Variants in CCDC183 observed in about 807,000 individuals in gnomAD.
The protein encoded by CCDC183 is coiled-coil domain-containing protein 183.
In CCDC183, 63 loss-of-function variants were observed where a neutral mutation model predicts 65.2. The observed-to-expected ratio is 0.97, with a 90% CI of 0.79 to 1.19. The LOEUF (loss-of-function observed/expected upper bound fraction) is 1.19, where lower values mean the gene tolerates loss of function less well. CCDC183 is among the 50% of genes most tolerant of loss of function. The pLI is 0.00. For synonymous variants in CCDC183, 323 were observed against 276.5 expected (o/e 1.17, Z -1.67); for missense variants, 769 against 689.3 (o/e 1.12, Z -1.30).
Position 136,806,606 on chromosome 9 carries a change from G to A in CCDC183, c.1212G>A (p.Leu404=). Residue 404 remains leucine (L), a synonymous_variant, in exon 11 of 14, where the codon CTG becomes CTA. Transcript: ENST00000338005. ...TGACCAAGGGCCAGGAGCTGCTGCT[G>A]ACCATCCAGATGGGCATCGACAACC... ...SNMTKGQELL[L]TIQMGIDNLY... The A allele has an allele frequency of 1.2e-6, 2 of 1,613,762 alleles. No homozygotes were observed. Among genetic ancestry groups the A allele is most frequent in the Non-Finnish European group, 8.5e-7 (1 of 1,180,046 alleles).
chr9:136,802,719 A>G lies in CCDC183; in HGVS notation c.599A>G (p.Tyr200Cys), dbSNP rs750886616. Residue 200 changes from tyrosine to cysteine, a missense_variant, in exon 6 of 14, where the codon TAC (tyrosine) becomes TGC (cysteine). Transcript: ENST00000338005. ...LDKLQNLVVN[Y>C]CSELSDMKIM... ...AAGCTGCAGAACCTCGTGGTCAACTACTGCTCAGAGCTGTCGGATATGAAG... is the reference window on the plus strand; with the variant it reads ...AAGCTGCAGAACCTCGTGGTCAACTGCTGCTCAGAGCTGTCGGATATGAAG... 1.2e-6 allele frequency: 2 copies of G among 1,613,530 alleles called. No homozygotes were observed. Among genetic ancestry groups the G allele is most frequent in the South Asian group, 2.2e-5 (2 of 91,080 alleles).
At position 136,802,764 on chromosome 9, in the gene CCDC183, T is replaced by C. The variant is rs1185646745; in HGVS notation, c.644T>C (p.Met215Thr). 2.5e-6 allele frequency: 4 copies of C among 1,612,694 alleles called. No individual in the cohort carries two copies. Among genetic ancestry groups the C allele is most frequent in the African/African-American group, 1.3e-5 (1 of 74,940 alleles). Reference sequence around the variant, plus strand: ...ATGAAGATCATGTCCCAAGATGCCATGATGATCACGGATGAGGTCAAGGTG... The same window carrying C: ...ATGAAGATCATGTCCCAAGATGCCACGATGATCACGGATGAGGTCAAGGTG... The part of the protein sequence containing the change: ...SDMKIMSQDA[M>T]MITDEVKRNM... Residue 215 changes from methionine to threonine, a missense_variant, in exon 6 of 14, where the codon ATG becomes ACG. Physicochemically the swap from Met to Thr is moderately conservative, Grantham distance 81. Transcript: ENST00000338005.
At chr9:136,796,640 A>G (rs1481078576) in intron 1 of CCDC183, among the ~76,000 whole-genome samples, 173 bp downstream of exon 1, 3 of 152,222 alleles carry the variant, frequency 2.0e-5, no homozygotes, top group East Asian at 1.9e-4. Flanking sequence ...TTGAGATGCT[A>G]TTAACCTGTA....
rs780599653 is a variant in CCDC183, at chr9:136,799,087, T to C, written c.71-15T>C. 3.7e-6 allele frequency: 6 copies of C among 1,612,384 alleles called. No individual in the cohort carries two copies. Among genetic ancestry groups the C allele is most frequent in the Non-Finnish European group, 5.1e-6 (6 of 1,179,506 alleles). ...GCCCAATCCTAGCCACTGTGTCCCCTCCACCTGCCCACAGAGCAGTGTCGG... is the reference window on the plus strand; with the variant it reads ...GCCCAATCCTAGCCACTGTGTCCCCCCCACCTGCCCACAGAGCAGTGTCGG... On this transcript the variant is annotated splice_polypyrimidine_tract_variant and intron_variant, in intron 1 of 13. Coordinates refer to ENST00000338005, the MANE Select transcript of CCDC183 (RefSeq NM_001039374.5).
At chr9:136,800,339 C>G in intron 4 of CCDC183, 50 bp from the exon 5 acceptor site, 1 of 1,532,356 alleles carries the variant, frequency 6.5e-7, no homozygotes, top group Non-Finnish European at 8.9e-7. Context: ...CCGACACCCT[C>G]CGGGCGGCCG....
rs1847857298 is a variant in CCDC183, at chr9:136,806,653, T to C, written c.1259T>C (p.Ile420Thr). The change falls in exon 11 of 14, where the codon ATT (isoleucine) becomes ACT (threonine). Residue 420 changes from isoleucine (I) to threonine (T), a missense_variant. Coordinates refer to ENST00000338005, the MANE Select transcript of CCDC183 (RefSeq NM_001039374.5). ...IDNLYVRLMGINLPATQREVV... is the reference protein window; with the variant it reads ...IDNLYVRLMGTNLPATQREVV... ...AACCTCTATGTCCGGCTGATGGGCA[T>C]TAACTTGCCTGCGACCCAGGTACCG... 6.2e-7 allele frequency: 1 copy of C among 1,613,510 alleles called. No individual in the cohort carries two copies. The highest frequency in any genetic ancestry group is 1.3e-5 in the African/African-American group (1 of 74,932).
chr9:136,797,479 C>G (rs953943172), intron 1 of CCDC183, among the ~76,000 whole-genome samples: 3 of 151,236 alleles, frequency 2.0e-5, no homozygotes, highest in African/African-American at 7.3e-5. Flanking sequence ...TGCTCTGTTG[C>G]CCAGACGGCA....
At chr9:136,799,842 AC>A (rs751769886) in intron 3 of CCDC183, 52 bp downstream of exon 3, 62 of 1,372,428 alleles carry the variant, frequency 4.5e-5, no homozygotes, top group African/African-American at 4.5e-4. Context: ...CCCTGCCAGC[AC>A]CCCCCCACTA....
At chr9:136,798,194 C>T (rs1392652367) in intron 1 of CCDC183, among the ~76,000 whole-genome samples, 2 of 151,762 alleles carry the variant, frequency 1.3e-5, no homozygotes, top group East Asian at 1.9e-4. Flanking sequence ...TTAGTAGAGA[C>T]GGGGTTTACC....
chr9:136,796,545 A>G, intron 1 of CCDC183, 78 bp downstream of exon 1: 2 of 973,738 alleles, frequency 2.1e-6, no homozygotes, highest in Admixed American at 2.1e-5. Flanking sequence ...TGGGGAAAAG[A>G]GAGATCAGAT....
rs1182008992 is a variant in CCDC183, at chr9:136,799,741, G to C, written c.221G>C (p.Cys74Ser). ...KYDQWTISKA[C>S]GKNLPLRLAH... is the part of the protein sequence containing the mutation. ...GACCAGTGGACCATCTCCAAGGCCTGCGGGAAAAACTTGCCTTTGCGACTG... is the reference window on the plus strand; with the variant it reads ...GACCAGTGGACCATCTCCAAGGCCTCCGGGAAAAACTTGCCTTTGCGACTG... The change falls in exon 3 of 14, where the codon TGC becomes TCC. Residue 74 changes from cysteine (C) to serine (S), a missense_variant. By Grantham distance (112) the Cys-to-Ser change is moderately radical. Coordinates refer to ENST00000338005, the MANE Select transcript of CCDC183 (RefSeq NM_001039374.5). 2 of 1,613,286 alleles carry C rather than the reference G, an allele frequency of 1.2e-6. No homozygotes were observed. Among genetic ancestry groups the C allele is most frequent in the African/African-American group, 2.7e-5 (2 of 75,068 alleles).
At chr9:136,802,298 G>T (rs1847748138) in intron 5 of CCDC183, among the ~76,000 whole-genome samples, 1 of 152,162 alleles carries the variant, frequency 6.6e-6, no homozygotes, top group African/African-American at 2.4e-5. Context: ...AGCTGCCTTG[G>T]CCTTGAATCC....
intron 6 of CCDC183, among the ~76,000 whole-genome samples, chr9:136,803,155 C>T (rs9775753): frequency 0.018 from 698 of 38,970 alleles, 47 homozygotes; most frequent in African/African-American, 0.026. Flanking sequence ...GCTGGGGCCC[C>T]CCAGGGCCAG....
At chr9:136,799,621 G>GAT in intron 2 of CCDC183, 92 bp from the exon 3 acceptor site, 1 of 1,066,962 alleles carries the variant, frequency 9.4e-7, no homozygotes, top group Admixed American at 2.0e-5. Flanking sequence ...GCTAGCGTGG[G>GAT]ATACAAGAGG....
Position 136,803,553 on chromosome 9 carries a change from G to A in CCDC183, c.666+767G>A, listed in dbSNP as rs1197210377. Reference sequence around the variant, plus strand: ...GCTCTGGGGATACAGCAGGGACCGGGACAGGCAGACCCTGTCCTCCTGAAG... The same window carrying A: ...GCTCTGGGGATACAGCAGGGACCGGAACAGGCAGACCCTGTCCTCCTGAAG... On this transcript the variant is annotated intron_variant, in intron 6 of 13. Transcript: ENST00000338005. Among the ~76,000 whole-genome samples the A allele has an allele frequency of 2.6e-5, 4 of 152,198 alleles. No individual in the cohort carries two copies. In the East Asian group the frequency reaches 7.7e-4, roughly 29 times the overall value.
In CCDC183 at chr9:136,804,259, G is replaced by A. The variant is rs943540276; in HGVS notation, c.667-243G>A. On this transcript the variant is annotated intron_variant, in intron 6 of 13. Coordinates refer to ENST00000338005, the MANE Select transcript of CCDC183 (RefSeq NM_001039374.5). The surrounding 1 kb of genome is among the most constrained non-coding windows in gnomAD (Gnocchi z 4.1). ...GTGGACCTGGCCAGGAGGCAGCTGG[G>A]GGCCAGCGGCTGGAGGGCAGCAGAG... The A allele has an allele frequency of 3.9e-6, 2 of 509,204 alleles. No homozygotes were observed. Among genetic ancestry groups the A allele is most frequent in the Admixed American group, 6.6e-5 (2 of 30,290 alleles). The allele number at this position is 509,204 out of a possible 1,614,324, so 31.5% of individuals were successfully genotyped here.
At chr9:136,803,550 C>A (rs1274086650) in intron 6 of CCDC183, among the ~76,000 whole-genome samples, 1 of 152,170 alleles carries the variant, frequency 6.6e-6, no homozygotes. Flanking sequence ...CAGCAGGGAC[C>A]GGGACAGGCA....
intron 6 of CCDC183, 123 bp downstream of exon 6, chr9:136,802,909 C>T (rs1465595066): frequency 9.6e-5 from 5 of 52,082 alleles, no homozygotes; most frequent in Admixed American, 7.1e-4. Flanking sequence ...CTTGGATCTT[C>T]GGATGGGGTC....
chr9:136,799,528 A>G, intron 2 of CCDC183, 185 bp from the exon 3 acceptor site: 2 of 678,984 alleles, frequency 2.9e-6, no homozygotes, highest in South Asian at 3.7e-5. Context: ...ATACCCCCCT[A>G]CCACGTCGCC....
Sources: allele counts gnomAD v4.1 joint callset (sites outside exome capture counted in the v4.1 genomes callset), GRCh38; gene constraint gnomAD v4.1.1; non-coding constraint Gnocchi (gnomAD v3.1); transcripts MANE v1.5; gene names NCBI Gene and HGNC (gene_info 2026-07-23, HGNC 2026-07-21).